Variants in PLEKHM3 observed in about 807,000 individuals in gnomAD.
The protein encoded by PLEKHM3 is pleckstrin homology domain containing M3.
Under a neutral mutation model 81.8 loss-of-function variants are expected in PLEKHM3, and 45 were observed. The ratio of observed to expected loss-of-function variants is 0.55; its 90% CI spans 0.43 to 0.71. PLEKHM3 has a LOEUF of 0.71. Among genes scored for constraint, PLEKHM3 ranks in the 30% least tolerant of loss-of-function variants. PLEKHM3 has a pLI of 0.00. For missense variants in PLEKHM3, 788 were observed against 924.3 expected (o/e 0.85, Z 1.91); for synonymous variants, 352 against 356.4 (o/e 0.99, Z 0.14).
chr2:207,824,765 C>T lies in PLEKHM3; in HGVS notation c.*3554G>A, dbSNP rs1361248876. 6.6e-6 allele frequency: 1 copy of T among 152,264 alleles called. No individual in the cohort carries two copies. The highest frequency in any genetic ancestry group is 1.5e-5 in the Non-Finnish European group (1 of 68,088). The allele number at this position is 152,264 out of a possible 1,614,324, so 9.4% of individuals were successfully genotyped here. The stretch of plus-strand genomic sequence containing the variant: ...AGGACACACTCTAGCTGAGCAAAGG[C>T]TGCATTCGGCAACTAGGGTGGTGTA... On this transcript the variant is annotated 3_prime_UTR_variant, in exon 8 of 8. Coordinates refer to ENST00000427836, the MANE Select transcript of PLEKHM3 (RefSeq NM_001080475.3).
At chr2:207,860,923 G>A (rs984993332) in intron 7 of PLEKHM3, among the ~76,000 whole-genome samples, 182 bp downstream of exon 7, 3 of 152,190 alleles carry the variant, frequency 2.0e-5, no homozygotes, top group Non-Finnish European at 2.9e-5. Flanking sequence ...AGGTAGCGAG[G>A]TAAGGGGTGG....
At chr2:207,993,501 C>CTTT (rs35352546) in intron 2 of PLEKHM3, among the ~76,000 whole-genome samples, 1 of 144,350 alleles carries the variant, frequency 6.9e-6, no homozygotes, top group African/African-American at 2.6e-5. Context: ...CCAAATTTGG[C>CTTT]TTTTTTTTTT....
intron 6 of PLEKHM3, among the ~76,000 whole-genome samples, chr2:207,890,877 T>A (rs1688040748): frequency 6.6e-6 from 1 of 152,238 alleles, no homozygotes; most frequent in South Asian, 2.1e-4. Context: ...CTGTATTTTT[T>A]AAAAATGCCA....
intron 3 of PLEKHM3, among the ~76,000 whole-genome samples, chr2:207,953,313 A>G (rs1690396583): frequency 6.6e-6 from 1 of 152,230 alleles, no homozygotes; most frequent in Non-Finnish European, 1.5e-5. Context: ...GAGGAAATAC[A>G]CATGCTCAAA....
intron 6 of PLEKHM3, among the ~76,000 whole-genome samples, chr2:207,873,538 G>A (rs1287637815): frequency 6.6e-6 from 1 of 152,240 alleles, no homozygotes; most frequent in East Asian, 1.9e-4. Context: ...TGCGGAGCTA[G>A]ATAAAAGGTG....
intron 3 of PLEKHM3, among the ~76,000 whole-genome samples, chr2:207,956,526 A>G (rs1269213886): frequency 6.6e-6 from 1 of 151,906 alleles, no homozygotes; most frequent in African/African-American, 2.4e-5. Flanking sequence ...AGAGTAGCAA[A>G]GTAAACTTAA....
chr2:207,913,185 A>C (rs1688863792), intron 5 of PLEKHM3, among the ~76,000 whole-genome samples: 1 of 152,240 alleles, frequency 6.6e-6, no homozygotes, highest in South Asian at 2.1e-4. Flanking sequence ...GTTGGGGCAG[A>C]CGGTTGGAAC....
At chr2:207,985,359 T>C (rs1691681012) in intron 2 of PLEKHM3, among the ~76,000 whole-genome samples, 1 of 152,042 alleles carries the variant, frequency 6.6e-6, no homozygotes, top group South Asian at 2.1e-4. Flanking sequence ...CATGGCTCTA[T>C]GTCTATACCC....
At chr2:207,857,503 C>T (rs1449936805) in intron 7 of PLEKHM3, among the ~76,000 whole-genome samples, 1 of 152,094 alleles carries the variant, frequency 6.6e-6, no homozygotes, top group African/African-American at 2.4e-5. Flanking sequence ...TCTGGCCTCT[C>T]TGTGGGAAGA....
chr2:207,978,000 T>C (rs1223454628), intron 2 of PLEKHM3, among the ~76,000 whole-genome samples: 2 of 152,114 alleles, frequency 1.3e-5, no homozygotes, highest in Non-Finnish European at 2.9e-5. Context: ...GGTAGGAGGA[T>C]CACTTCAGCC....
At chr2:208,024,956 C>T (rs767815332) in intron 1 of PLEKHM3, among the ~76,000 whole-genome samples, 8 of 152,196 alleles carry the variant, frequency 5.3e-5, no homozygotes, top group Non-Finnish European at 1.0e-4. Flanking sequence ...CCATGCTTGT[C>T]ATCAGTCATG....
chr2:208,024,432 C>T (rs1693246047), intron 1 of PLEKHM3, among the ~76,000 whole-genome samples: 1 of 152,072 alleles, frequency 6.6e-6, no homozygotes, highest in Non-Finnish European at 1.5e-5. Flanking sequence ...ATTGTAGGTG[C>T]AATTTAACCT....
In PLEKHM3 at chr2:207,832,033, C is replaced by T. The variant is rs1056007743; in HGVS notation, c.2109-3537G>A. Among the ~76,000 whole-genome samples the T allele has an allele frequency of 3.3e-5, 5 of 152,192 alleles. No individual in the cohort carries two copies. The South Asian group carries it at 8.3e-4, about 25-fold the overall frequency. On this transcript the variant is annotated intron_variant, in intron 7 of 7. Transcript: ENST00000427836. ...TACCACTCCCTTATCTCTGCTGATA[C>T]CAGGCTGCAGTGAGTGAAGAGATTG...
intron 6 of PLEKHM3, among the ~76,000 whole-genome samples, chr2:207,896,085 C>A (rs1289420728): frequency 6.6e-6 from 1 of 152,136 alleles, no homozygotes; most frequent in African/African-American, 2.4e-5. Flanking sequence ...CTGGGAGCCC[C>A]CAGAAAGCAG....
At chr2:208,008,202 C>T (rs570765121) in intron 1 of PLEKHM3, among the ~76,000 whole-genome samples, 31 of 151,800 alleles carry the variant, frequency 2.0e-4, no homozygotes, top group Admixed American at 3.9e-4. Context: ...TGAACTACTG[C>T]GCTCCAGCCT....
At chr2:207,848,771 A>G (rs2092397543) in intron 7 of PLEKHM3, among the ~76,000 whole-genome samples, 1 of 152,220 alleles carries the variant, frequency 6.6e-6, no homozygotes, top group Non-Finnish European at 1.5e-5. Context: ...GCAAAATGAC[A>G]AAGACCAATT....
chr2:208,009,026 A>T (rs1012324034), intron 1 of PLEKHM3, among the ~76,000 whole-genome samples: 1 of 152,174 alleles, frequency 6.6e-6, no homozygotes, highest in Admixed American at 6.5e-5. Flanking sequence ...AATTACACTC[A>T]GTTATTTATT....
chr2:207,948,693 G>A (rs1205432068), intron 3 of PLEKHM3, among the ~76,000 whole-genome samples: 3 of 152,046 alleles, frequency 2.0e-5, no homozygotes, highest in Admixed American at 1.3e-4. Flanking sequence ...ACAGACGCCC[G>A]CCACCACGCC....
At chr2:207,918,013 T>G (rs971999527) in intron 5 of PLEKHM3, among the ~76,000 whole-genome samples, 5 of 152,180 alleles carry the variant, frequency 3.3e-5, no homozygotes, top group Admixed American at 3.3e-4. Flanking sequence ...TGATATGAAG[T>G]GATTCTACCA....
Sources: gnomAD v4.1 joint callset for allele counts (sites outside exome capture counted in the v4.1 genomes callset) on GRCh38, gnomAD v4.1.1 for gene constraint, MANE v1.5 for transcripts, NCBI Gene and HGNC (gene_info 2026-07-23, HGNC 2026-07-21) for gene names.